The following SZT2 variants were observed in gnomAD, a reference collection of about 807,000 sequenced individuals.
The protein encoded by SZT2 is KICSTOR complex protein SZT2.
SZT2 carries 216 observed loss-of-function variants against 404.2 expected under a neutral mutation model. That is an observed-to-expected ratio of 0.53 (90% CI 0.48 to 0.60). The LOEUF is 0.60. Ranked by LOEUF, SZT2 falls within the 20% of genes least tolerant of loss-of-function variation. The pLI is 0.00. For synonymous variants in SZT2, 1,693 were observed against 1,749.9 expected (o/e 0.97, Z 0.81); for missense variants, 3,857 against 4,459.2 (o/e 0.86, Z 3.85).
At chr1:43,393,921 G>C (rs538907419) in intron 1 of SZT2, 1 of 175,310 alleles carries the variant, frequency 5.7e-6, no homozygotes, top group African/African-American at 2.4e-5. Context: ...TATCAATAAA[G>C]AAACCGAGGC....
At position 43,452,603 on chromosome 1, in the gene SZT2, A is replaced by G. The variant is rs1445675345; in HGVS notation, c.*2123A>G. On this transcript the variant is annotated 3_prime_UTR_variant, in exon 72 of 72. Transcript: ENST00000634258. Reference sequence around the variant, plus strand: ...TTCTCCGCAACCTGTAACCTGCTAAATTCTCACCTTTAAAAATTGTCCTGA... The same window carrying G: ...TTCTCCGCAACCTGTAACCTGCTAAGTTCTCACCTTTAAAAATTGTCCTGA... 8.4e-6 allele frequency: 5 copies of G among 597,366 alleles called. No homozygotes were observed. The East Asian group carries it at 1.4e-4, about 17-fold the overall frequency. The allele number at this position is 597,366 out of a possible 1,614,324, so 37.0% of individuals were successfully genotyped here.
chr1:43,427,044 T>C lies in SZT2; in HGVS notation c.3310-12T>C, dbSNP rs1570652193. 3.7e-6 allele frequency: 6 copies of C among 1,613,924 alleles called. No homozygotes were observed. In the East Asian group the frequency reaches 1.3e-4, roughly 36 times the overall value. On this transcript the variant is annotated splice_polypyrimidine_tract_variant and intron_variant, in intron 23 of 71. Coordinates refer to ENST00000634258, the MANE Select transcript of SZT2 (RefSeq NM_001365999.1). ...CTTATAGATTGCTCTAATTTCTGTT[T>C]TTCTCTTACAGAGTGTAGGTCTTCC...
At chr1:43,407,827 C>CTTTTTTTTT (rs1273177130) in intron 4 of SZT2, among the ~76,000 whole-genome samples, 1 of 94,466 alleles carries the variant, frequency 1.1e-5, no homozygotes, top group East Asian at 2.7e-4. Context: ...AAATTCTAAC[C>CTTTTTTTTT]TTTTTTTTTT....
At chr1:43,422,428 C>T in intron 12 of SZT2, 52 bp from the exon 13 acceptor site, 7 of 1,521,740 alleles carry the variant, frequency 4.6e-6, no homozygotes, top group Non-Finnish European at 6.1e-6. Flanking sequence ...TATTCCTTTT[C>T]TCCAAGCCTG....
chr1:43,426,456 G>C lies in SZT2; in HGVS notation c.3132G>C (p.Leu1044=). ...CLLHSCLGQE[L]SDREIPLTPV... Reference sequence around the variant, plus strand: ...TGCACAGCTGCCTGGGGCAGGAGCTGAGTGACCGGGAGATCCCACTGACCC... The same window carrying C: ...TGCACAGCTGCCTGGGGCAGGAGCTCAGTGACCGGGAGATCCCACTGACCC... Residue 1044 remains leucine, a synonymous_variant, in exon 22 of 72, where the codon CTG becomes CTC. Transcript: ENST00000634258. The surrounding 1 kb of genome is among the most constrained non-coding windows in gnomAD (Gnocchi z 4.9). The C allele has an allele frequency of 1.3e-6, 2 of 1,597,102 alleles. No homozygotes were observed. The highest frequency in any genetic ancestry group is 1.7e-6 in the Non-Finnish European group (2 of 1,179,300).
chr1:43,423,291 A>G lies in SZT2; in HGVS notation c.2230A>G (p.Lys744Glu). ...SDRPCLVVLHKPLDKLLIRYE... is the reference protein window; with the variant it reads ...SDRPCLVVLHEPLDKLLIRYE... ...CCGGCCCTGCCTTGTGGTCCTGCATAAGCCACTGGACAAACTGCTCATCAG... is the reference window on the plus strand; with the variant it reads ...CCGGCCCTGCCTTGTGGTCCTGCATGAGCCACTGGACAAACTGCTCATCAG... Residue 744 changes from lysine to glutamate, a missense_variant, in exon 15 of 72, where the codon AAG (lysine) becomes GAG (glutamate). Lys to Glu is a moderately conservative substitution (Grantham distance 56). Coordinates refer to ENST00000634258, the MANE Select transcript of SZT2 (RefSeq NM_001365999.1). 1.3e-6 allele frequency: 2 copies of G among 1,549,578 alleles called. No homozygotes were observed. The highest frequency in any genetic ancestry group is 1.7e-6 in the Non-Finnish European group (2 of 1,156,800).
rs761594911 is a variant in SZT2 at position 43,441,488 on chromosome 1, C to T, written c.7512-16C>T. 9 of 1,612,004 alleles carry T rather than the reference C, an allele frequency of 5.6e-6. No individual in the cohort carries two copies. The highest frequency in any genetic ancestry group is 5.5e-5 in the South Asian group (5 of 90,674). ...GTCATGTATGGACATGAGGCTCTTACTCCCACTGTCTTCAGGCGCCGGACA... is the reference window on the plus strand; with the variant it reads ...GTCATGTATGGACATGAGGCTCTTATTCCCACTGTCTTCAGGCGCCGGACA... On this transcript the variant is annotated splice_polypyrimidine_tract_variant and intron_variant, in intron 53 of 71. Transcript: ENST00000634258. This position sits in a 1 kb window ranked among gnomAD's most constrained non-coding sequence, Gnocchi z 4.8.
At chr1:43,410,620 A>G (rs2153930802) in intron 4 of SZT2, 1 of 152,142 alleles carries the variant, frequency 6.6e-6, no homozygotes, top group African/African-American at 2.4e-5. Context: ...TACTAAAAGA[A>G]AGCATTGGAG....
chr1:43,413,504 A>G (rs996347263), intron 4 of SZT2, among the ~76,000 whole-genome samples: 31 of 152,346 alleles, frequency 2.0e-4, no homozygotes, highest in South Asian at 6.2e-4. Context: ...CTGCACTCCC[A>G]TGTTTATTAC....
chr1:43,443,850 GC>G, intron 62 of SZT2, 54 bp downstream of exon 62: 2 of 1,601,142 alleles, frequency 1.2e-6, no homozygotes, highest in South Asian at 1.1e-5. Flanking sequence ...TGCAAGTGAG[GC>G]CCCACAGGCC....
Position 43,439,427 on chromosome 1 carries a change from G to A in SZT2, c.6862G>A (p.Gly2288Ser), listed in dbSNP as rs758110333. 1 of 1,612,142 alleles carries A rather than the reference G, an allele frequency of 6.2e-7. No individual in the cohort carries two copies. The highest frequency in any genetic ancestry group is 1.7e-5 in the Admixed American group (1 of 59,822). ...CTTGTATAACAAGCCTGGTGGACAG[G>A]GCACTGGGGGCAAAGGTACGGTGCA... Reference protein sequence around the residue: ...IYLYNKPGGQGTGGKGVACIT... With the variant: ...IYLYNKPGGQSTGGKGVACIT... The change falls in exon 49 of 72, where the codon GGC becomes AGC. Residue 2288 changes from glycine (G) to serine (S), a missense_variant. By Grantham distance (56) the Gly-to-Ser change is moderately conservative. Coordinates refer to ENST00000634258, the MANE Select transcript of SZT2 (RefSeq NM_001365999.1). The surrounding 1 kb of genome is among the most constrained non-coding windows in gnomAD (Gnocchi z 4.2).
intron 3 of SZT2, chr1:43,404,120 T>C (rs1650008841): frequency 3.8e-6 from 2 of 519,804 alleles, no homozygotes; most frequent in Non-Finnish European, 6.8e-6. Flanking sequence ...GGTGGGAGGA[T>C]TGCTTGAGCC....
In SZT2 at chr1:43,448,296, C is replaced by T. The variant is rs757417546; in HGVS notation, c.9781C>T (p.Arg3261Trp). 4.0e-5 allele frequency: 62 copies of T among 1,557,436 alleles called. No homozygotes were observed. The highest frequency in any genetic ancestry group is 4.9e-5 in the Non-Finnish European group (56 of 1,150,958). The part of the protein sequence containing the change: ...LAAEVGMARA[R>W]LAQLVRLAGG... Reference sequence around the variant, plus strand: ...TGCAGAGGTGGGCATGGCACGAGCACGGCTGGCTCAGCTGGTGCGGCTGGC... The same window carrying T: ...TGCAGAGGTGGGCATGGCACGAGCATGGCTGGCTCAGCTGGTGCGGCTGGC... The change falls in exon 69 of 72, where the codon CGG (arginine) becomes TGG (tryptophan). Residue 3261 changes from arginine to tryptophan, a missense_variant. Around this residue, in one of 7 missense-constraint regions of SZT2, gnomAD observed 717 missense variants for 868.2 expected, o/e 0.83. Coordinates refer to ENST00000634258, the MANE Select transcript of SZT2 (RefSeq NM_001365999.1). This position sits in a 1 kb window ranked among gnomAD's most constrained non-coding sequence, Gnocchi z 4.2.
chr1:43,449,912 C>A lies in SZT2; in HGVS notation c.10087-191C>A, dbSNP rs1158205789. On this transcript the variant is annotated intron_variant, in intron 70 of 71. Coordinates refer to ENST00000634258, the MANE Select transcript of SZT2 (RefSeq NM_001365999.1). ...ACCCCTCATTCTGATGCAGCTCAGA[C>A]AGGCTGACCAGCAAGCCAGCGAGGA... The A allele has an allele frequency of 1.5e-5, 10 of 668,716 alleles. 1 individual carries two copies. Among genetic ancestry groups the A allele is most frequent in the Non-Finnish European group, 2.4e-5 (9 of 375,664 alleles). The allele number at this position is 668,716 out of a possible 1,614,324, so 41.4% of individuals were successfully genotyped here.
At position 43,441,624 on chromosome 1, in the gene SZT2, C is replaced by T. The variant is rs1226868533; in HGVS notation, c.7609+23C>T. On this transcript the variant is annotated intron_variant, in intron 54 of 71. Transcript: ENST00000634258. The surrounding 1 kb of genome is among the most constrained non-coding windows in gnomAD (Gnocchi z 4.8). ...TTGGTGAGACCCCAGCCTCCCCTCC[C>T]ATCCCTCAACCCCAGCCTGGTCTCC... is the stretch of plus-strand genomic sequence containing the variant. The T allele has an allele frequency of 1.2e-6, 2 of 1,613,964 alleles. No individual in the cohort carries two copies. The highest frequency in any genetic ancestry group is 2.2e-5 in the South Asian group (2 of 91,048).
chr1:43,453,382 G>T lies in SZT2; in HGVS notation c.*2902G>T. On this transcript the variant is annotated 3_prime_UTR_variant, in exon 72 of 72. Coordinates refer to ENST00000634258, the MANE Select transcript of SZT2 (RefSeq NM_001365999.1). ...AGGGGTGGGGGTGGGGTGGAGCGGGGTACCTGGGACAGCCCAGGGCTTTGG... is the reference window on the plus strand; with the variant it reads ...AGGGGTGGGGGTGGGGTGGAGCGGGTTACCTGGGACAGCCCAGGGCTTTGG... 6.5e-7 allele frequency: 1 copy of T among 1,540,528 alleles called. No individual in the cohort carries two copies. The highest frequency in any genetic ancestry group is 8.8e-7 in the Non-Finnish European group (1 of 1,137,878).
At position 43,453,525 on chromosome 1, in the gene SZT2, G is replaced by C. The variant is rs540754729; in HGVS notation, c.*3045G>C. On this transcript the variant is annotated 3_prime_UTR_variant, in exon 72 of 72. Coordinates refer to ENST00000634258, the MANE Select transcript of SZT2 (RefSeq NM_001365999.1). ...GCAGAGAGAACGGGCCTCAGCCCCC[G>C]GCTCGGACACTCCCCTGCCCGCGCC... is the stretch of plus-strand genomic sequence containing the variant. 29 of 1,533,232 alleles carry C rather than the reference G, an allele frequency of 1.9e-5. No individual in the cohort carries two copies. The highest frequency in any genetic ancestry group is 1.2e-4 in the Admixed American group (6 of 50,058). 95.0% of individuals were successfully genotyped at this position (1,533,232 alleles called of 1,614,324 possible). A position where few individuals can be genotyped will look rare whatever the true frequency, so the allele number is the denominator to read the frequency against.
At position 43,428,358 on chromosome 1, in the gene SZT2, G is replaced by T. The variant is rs1653440268; in HGVS notation, c.4038G>T (p.Leu1346Phe). Reference sequence around the variant, plus strand: ...ACATCACCCCATTTCTCCTTGCATTGTGTGGCCACACTTGGGGTTTGCCTC... The same window carrying T: ...ACATCACCCCATTTCTCCTTGCATTTTGTGGCCACACTTGGGGTTTGCCTC... The part of the protein sequence containing the change: ...EIDITPFLLA[L>F]CGHTWGLPHA... Residue 1346 changes from leucine (L) to phenylalanine (F), a missense_variant, in exon 28 of 72, where the codon TTG (leucine) becomes TTT (phenylalanine). By Grantham distance (22) the Leu-to-Phe change is conservative. Around this residue, in one of 7 missense-constraint regions of SZT2, gnomAD observed 1,725 missense variants for 1,881.0 expected, o/e 0.92. Transcript: ENST00000634258. The T allele has an allele frequency of 6.2e-7, 1 of 1,614,160 alleles. No homozygotes were observed. Among genetic ancestry groups the T allele is most frequent in the Non-Finnish European group, 8.5e-7 (1 of 1,180,022 alleles).
At chr1:43,395,307 T>C (rs1648864610) in intron 1 of SZT2, among the ~76,000 whole-genome samples, 1 of 151,656 alleles carries the variant, frequency 6.6e-6, no homozygotes, top group Non-Finnish European at 1.5e-5. Flanking sequence ...GAGGGGGAGG[T>C]CAGGGAGTGG....
Sources: gnomAD v4.1 joint callset for allele counts (sites outside exome capture counted in the v4.1 genomes callset) on GRCh38, gnomAD v4.1.1 for gene constraint, gnomAD v4.1.1 regional missense constraint, Gnocchi (gnomAD v3.1) non-coding constraint, MANE v1.5 for transcripts, NCBI Gene and HGNC (gene_info 2026-07-23, HGNC 2026-07-21) for gene names.